NCKAP5: variants seen among roughly 807,000 people sequenced by gnomAD.
NCKAP5 encodes nck-associated protein 5.
NCKAP5 carries 92 observed loss-of-function variants against 167.0 expected under a neutral mutation model. The observed-to-expected ratio is 0.55, with a 90% CI of 0.47 to 0.66. The LOEUF is 0.66. Ranked by LOEUF, NCKAP5 falls within the 30% of genes least tolerant of loss-of-function variation. The probability of loss-of-function intolerance (pLI) is 0.00; values close to 1 mark genes in which losing one functional copy is unlikely to be tolerated. For synonymous variants in NCKAP5, 891 were observed against 877.4 expected (o/e 1.02, Z -0.27); for missense variants, 2,378 against 2,315.0 (o/e 1.03, Z -0.56).
intron 3 of NCKAP5, among the ~76,000 whole-genome samples, chr2:133,478,890 C>A (rs181699448): frequency 2.5e-4 from 38 of 152,012 alleles, no homozygotes; most frequent in Admixed American, 2.4e-3. Flanking sequence ...TTGTCTAAAG[C>A]AGAAAGCTGG....
intron 4 of NCKAP5, among the ~76,000 whole-genome samples, chr2:133,248,393 T>C (rs989707634): frequency 2.0e-5 from 3 of 152,250 alleles, no homozygotes; most frequent in African/African-American, 4.8e-5. Flanking sequence ...CAAGGCCACC[T>C]GCTATTTTTA....
At chr2:132,988,286 A>C (rs1382262714) in intron 7 of NCKAP5, among the ~76,000 whole-genome samples, 1 of 151,918 alleles carries the variant, frequency 6.6e-6, no homozygotes, top group Non-Finnish European at 1.5e-5. Flanking sequence ...AACACGGTAA[A>C]ACCTGTCTCT....
At chr2:133,591,286 T>TG in the NCKAP5 span, among the ~76,000 whole-genome samples, 1 of 152,190 alleles carries the variant, frequency 6.6e-6, no homozygotes, top group African/African-American at 2.4e-5. Context: ...ATAAAGAACT[T>TG]GGATGGCCGG....
the NCKAP5 span, among the ~76,000 whole-genome samples, chr2:133,630,132 G>T: frequency 6.6e-6 from 1 of 152,042 alleles, no homozygotes; most frequent in Non-Finnish European, 1.5e-5. Flanking sequence ...ATGGACCCCA[G>T]AACTTAAAGT....
At chr2:132,818,398 G>A (rs1217889622) in intron 11 of NCKAP5, among the ~76,000 whole-genome samples, 4 of 152,162 alleles carry the variant, frequency 2.6e-5, no homozygotes, top group Non-Finnish European at 5.9e-5. Flanking sequence ...GAATAGGGCC[G>A]GGTGCACTGG....
the NCKAP5 span, among the ~76,000 whole-genome samples, chr2:133,611,949 A>G: frequency 6.6e-6 from 1 of 152,192 alleles, no homozygotes; most frequent in Non-Finnish European, 1.5e-5. Flanking sequence ...TTCAGCTTCG[A>G]CATTTCAACC....
chr2:132,963,927 G>A, intron 7 of NCKAP5, 58 bp from the exon 8 acceptor site: 1 of 1,588,282 alleles, frequency 6.3e-7, no homozygotes, highest in Non-Finnish European at 8.6e-7. Context: ...AAGCATGAGT[G>A]TGAGGCTGAA....
At chr2:133,339,815 G>A (rs1439482246) in intron 3 of NCKAP5, among the ~76,000 whole-genome samples, 1 of 152,124 alleles carries the variant, frequency 6.6e-6, no homozygotes, top group Non-Finnish European at 1.5e-5. Context: ...ACCTTTTACT[G>A]GTATCTGCCC....
At chr2:133,160,485 T>C (rs968583746) in intron 5 of NCKAP5, among the ~76,000 whole-genome samples, 2 of 148,678 alleles carry the variant, frequency 1.3e-5, no homozygotes, top group South Asian at 4.3e-4. Flanking sequence ...GAACAATTCA[T>C]GAATCAGGCA....
At chr2:133,132,897 T>C (rs868294510) in intron 5 of NCKAP5, among the ~76,000 whole-genome samples, 8 of 152,146 alleles carry the variant, frequency 5.3e-5, no homozygotes, top group Middle Eastern at 6.8e-3. Flanking sequence ...AGGATGGTCT[T>C]GATCTCCTGA....
intron 11 of NCKAP5, among the ~76,000 whole-genome samples, chr2:132,800,034 T>A (rs1174887941): frequency 6.6e-6 from 1 of 152,186 alleles, no homozygotes; most frequent in Non-Finnish European, 1.5e-5. Flanking sequence ...TATAATAGGC[T>A]CATATTTTCA....
rs369212780 is a variant in NCKAP5 at position 133,381,982 on chromosome 2, T to C, written c.70-78872A>G. 5.9e-5 allele frequency among the ~76,000 whole-genome samples: 9 copies of C among 152,212 alleles called. No homozygotes were observed. In the East Asian group the frequency reaches 9.6e-4, roughly 16 times the overall value. On this transcript the variant is annotated intron_variant, in intron 3 of 19. Coordinates refer to ENST00000409261, the MANE Select transcript of NCKAP5 (RefSeq NM_207363.3). The stretch of plus-strand genomic sequence containing the variant: ...ACAGTTACTTCTGAGAGACTTGTGT[T>C]CTTAGATCTCCCCAAGGTATTCCAA...
At chr2:133,091,562 A>G (rs1004382981) in intron 6 of NCKAP5, among the ~76,000 whole-genome samples, 2 of 152,172 alleles carry the variant, frequency 1.3e-5, no homozygotes, top group Non-Finnish European at 2.9e-5. Context: ...ATGAATATTT[A>G]GATACAGTCA....
chr2:133,585,069 AT>A, the NCKAP5 span, among the ~76,000 whole-genome samples: 1 of 152,136 alleles, frequency 6.6e-6, no homozygotes, highest in African/African-American at 2.4e-5. Context: ...ACAAATTTTA[AT>A]TTTTCTGGGC....
chr2:133,583,882 T>C, the NCKAP5 span, among the ~76,000 whole-genome samples: 1 of 152,026 alleles, frequency 6.6e-6, no homozygotes, highest in Non-Finnish European at 1.5e-5. Flanking sequence ...GCCTCCCGAG[T>C]AGCTGGGACT....
chr2:133,471,618 TCTC>T (rs1203484261), intron 3 of NCKAP5, among the ~76,000 whole-genome samples: 2 of 152,150 alleles, frequency 1.3e-5, no homozygotes, highest in African/African-American at 2.4e-5. Context: ...CCTTGGGTGA[TCTC>T]CTGATAATTG....
At chr2:132,687,201 C>T (rs1241351664) in intron 19 of NCKAP5, among the ~76,000 whole-genome samples, 1 of 152,106 alleles carries the variant, frequency 6.6e-6, no homozygotes, top group Non-Finnish European at 1.5e-5. Flanking sequence ...TCAGTGGGGT[C>T]CATCCCTAAA....
chr2:132,972,852 A>T (rs2076874705), intron 7 of NCKAP5, among the ~76,000 whole-genome samples: 1 of 144,694 alleles, frequency 6.9e-6, no homozygotes, highest in Non-Finnish European at 1.5e-5. Context: ...ACACAGTGAG[A>T]CTCCATCTCC....
At chr2:132,744,306 C>T (rs1226087953) in intron 16 of NCKAP5, among the ~76,000 whole-genome samples, 1 of 151,454 alleles carries the variant, frequency 6.6e-6, no homozygotes, top group Admixed American at 6.6e-5. Flanking sequence ...TTTAAAATCA[C>T]CGAAGCCATG....
Sources: gnomAD v4.1 joint callset for allele counts (sites outside exome capture counted in the v4.1 genomes callset) on GRCh38, gnomAD v4.1.1 for gene constraint, MANE v1.5 for transcripts, NCBI Gene and HGNC (gene_info 2026-07-23, HGNC 2026-07-21) for gene names.